TTLL7: variants seen among roughly 807,000 people sequenced by gnomAD.
TTLL7 encodes the protein tubulin tyrosine ligase like 7.
Under a neutral mutation model 120.2 loss-of-function variants are expected in TTLL7, and 53 were observed. The observed-to-expected ratio is 0.44, with a 90% CI of 0.35 to 0.55. The LOEUF (loss-of-function observed/expected upper bound fraction) is 0.55, where lower values mean the gene tolerates loss of function less well. Ranked by LOEUF, TTLL7 falls within the 20% of genes least tolerant of loss-of-function variation. The pLI, the probability that TTLL7 is intolerant of heterozygous loss-of-function variation, is 0.00. For missense variants in TTLL7, 803 were observed against 1,054.7 expected (o/e 0.76, Z 3.31); for synonymous variants, 353 against 351.7 (o/e 1.00, Z -0.04).
intron 1 of TTLL7, among the ~76,000 whole-genome samples, chr1:83,967,648 A>G (rs1286707946): frequency 6.6e-6 from 1 of 152,084 alleles, no homozygotes; most frequent in Non-Finnish European, 1.5e-5. Flanking sequence ...AAAAAAGAGA[A>G]AGTGGAACTA....
chr1:83,911,284 C>A lies in TTLL7; in HGVS notation c.1667G>T (p.Ser556Ile), dbSNP rs762869921. The A allele has an allele frequency of 6.2e-6, 10 of 1,613,440 alleles. No homozygotes were observed. In the African/African-American group the frequency reaches 1.2e-4, roughly 19 times the overall value. ...YCSSDSSYDS[S>I]SSSSESDENE... ...TTCGTCAGATTCTGAAGAGCTGCTGCTACTATCATAACTGCTGTCACTGCT... is the reference window on the plus strand; with the variant it reads ...TTCGTCAGATTCTGAAGAGCTGCTGATACTATCATAACTGCTGTCACTGCT... The change falls in exon 15 of 21, where the codon AGC becomes ATC. Residue 556 changes from serine to isoleucine, a missense_variant. Coordinates refer to ENST00000260505, the MANE Select transcript of TTLL7 (RefSeq NM_024686.6).
At chr1:83,929,873 A>G (rs1557666831) in intron 9 of TTLL7, among the ~76,000 whole-genome samples, 1 of 152,176 alleles carries the variant, frequency 6.6e-6, no homozygotes, top group African/African-American at 2.4e-5. Flanking sequence ...AGTTCAACAC[A>G]ACAGCTTAGC....
chr1:83,908,924 G>C (rs1355687289), intron 15 of TTLL7, among the ~76,000 whole-genome samples: 1 of 151,558 alleles, frequency 6.6e-6, no homozygotes, highest in East Asian at 1.9e-4. Context: ...AGCTATAAAA[G>C]ATTAAAAAAA....
chr1:83,890,566 C>A (rs1571071753), intron 18 of TTLL7, 85 bp from the exon 19 acceptor site: 6 of 1,136,120 alleles, frequency 5.3e-6, no homozygotes, highest in Non-Finnish European at 7.5e-6. Context: ...TCAGGAGTTC[C>A]AGACCAGCCT....
intron 16 of TTLL7, 52 bp from the exon 17 acceptor site, chr1:83,906,515 C>A (rs750375194): frequency 2.5e-6 from 4 of 1,607,334 alleles, no homozygotes; most frequent in South Asian, 1.1e-5. Context: ...TTCATTGTGC[C>A]AGTATAATCT....
At chr1:83,980,269 C>G (rs1473314593) in intron 1 of TTLL7, 1 of 152,092 alleles carries the variant, frequency 6.6e-6, no homozygotes, top group African/African-American at 2.4e-5. Context: ...CATAAGACTG[C>G]TGGCTGAGAC....
chr1:83,953,019 A>T (rs183100874), intron 1 of TTLL7, among the ~76,000 whole-genome samples: 22 of 152,310 alleles, frequency 1.4e-4, no homozygotes, highest in Non-Finnish European at 2.6e-4. Context: ...ATGGGGGACA[A>T]CTTAATAAAG....
At position 83,868,181 on chromosome 1, in the gene TTLL7, A is replaced by G. The variant is rs1174665891; in HGVS notation, c.*1781T>C. 1 of 152,210 alleles carries G rather than the reference A, an allele frequency of 6.6e-6. No individual in the cohort carries two copies. 9.4% of individuals were successfully genotyped at this position (152,210 alleles called of 1,614,324 possible). A position where few individuals can be genotyped will look rare whatever the true frequency, so the allele number is the denominator to read the frequency against. On this transcript the variant is annotated 3_prime_UTR_variant, in exon 21 of 21. Coordinates refer to ENST00000260505, the MANE Select transcript of TTLL7 (RefSeq NM_024686.6). ...TCAGGCTGTGAATTAAACCAGGCCAATTTGCCCCTCTCAGTTCTCCTGCTT... is the reference window on the plus strand; with the variant it reads ...TCAGGCTGTGAATTAAACCAGGCCAGTTTGCCCCTCTCAGTTCTCCTGCTT...
At chr1:83,904,027 T>C (rs1656970612) in intron 18 of TTLL7, 52 bp downstream of exon 18, 1 of 1,417,062 alleles carries the variant, frequency 7.1e-7, no homozygotes, top group South Asian at 1.2e-5. Flanking sequence ...TTAATGATCC[T>C]AGCTTAATAC....
chr1:83,993,873 C>A (rs961517531), intron 1 of TTLL7, among the ~76,000 whole-genome samples: 1 of 152,100 alleles, frequency 6.6e-6, no homozygotes, highest in Admixed American at 6.5e-5. Context: ...AGATAAATGT[C>A]AAATAGGAAA....
chr1:83,897,100 T>A (rs753848011), intron 18 of TTLL7, among the ~76,000 whole-genome samples: 26 of 151,856 alleles, frequency 1.7e-4, no homozygotes, highest in Non-Finnish European at 3.4e-4. Flanking sequence ...GGCAAATAAT[T>A]TTTTTTTAAT....
intron 20 of TTLL7, among the ~76,000 whole-genome samples, chr1:83,882,266 A>G (rs1316586334): frequency 6.7e-6 from 1 of 149,644 alleles, no homozygotes; most frequent in African/African-American, 2.4e-5. Flanking sequence ...AATAATAATA[A>G]TAATTAAATA....
intron 1 of TTLL7, among the ~76,000 whole-genome samples, chr1:83,993,012 T>C (rs1653149643): frequency 6.6e-6 from 1 of 152,130 alleles, no homozygotes; most frequent in Non-Finnish European, 1.5e-5. Flanking sequence ...TTTTCAATAA[T>C]AGTAATGACA....
intron 1 of TTLL7, among the ~76,000 whole-genome samples, chr1:83,987,336 C>T (rs1652566946): frequency 1.3e-5 from 2 of 151,608 alleles, no homozygotes; most frequent in African/African-American, 2.4e-5. Flanking sequence ...GGGGACATGC[C>T]ATGTCCATGG....
intron 17 of TTLL7, among the ~76,000 whole-genome samples, chr1:83,905,025 TTTGA>T (rs1442887154): frequency 2.6e-4 from 40 of 152,102 alleles, no homozygotes; most frequent in Non-Finnish European, 5.3e-4. Flanking sequence ...AGTTTTACTC[TTTGA>T]TTGTTTAATT....
rs1355677792 is a variant in TTLL7 at position 83,866,579 on chromosome 1, T to C, written c.*3383A>G. On this transcript the variant is annotated 3_prime_UTR_variant, in exon 21 of 21. Coordinates refer to ENST00000260505, the MANE Select transcript of TTLL7 (RefSeq NM_024686.6). ...AGAAATAGTTGAAACTGTTTGTATA[T>C]TTAGAAATAATTTTGACCTATGATA... The C allele has an allele frequency of 6.6e-6, 1 of 151,888 alleles. No homozygotes were observed. Among genetic ancestry groups the C allele is most frequent in the African/African-American group, 2.4e-5 (1 of 41,422 alleles). The allele number at this position is 151,888 out of a possible 1,614,324, so 9.4% of individuals were successfully genotyped here. A position where few individuals can be genotyped will look rare whatever the true frequency, so the allele number is the denominator to read the frequency against.
intron 19 of TTLL7, among the ~76,000 whole-genome samples, chr1:83,889,450 T>C (rs1259627640): frequency 6.6e-6 from 1 of 152,026 alleles, no homozygotes; most frequent in Non-Finnish European, 1.5e-5. Flanking sequence ...AGTTTATAGG[T>C]TAAGAGCATA....
rs755037689 is a variant in TTLL7, at chr1:83,921,102, T to C, written c.1349A>G (p.His450Arg). 3 of 1,612,776 alleles carry C rather than the reference T, an allele frequency of 1.9e-6. No homozygotes were observed. Among genetic ancestry groups the C allele is most frequent in the East Asian group, 2.2e-5 (1 of 44,856 alleles). Residue 450 changes from histidine to arginine, a missense_variant, in exon 12 of 21, where the codon CAT becomes CGT. His to Arg is a conservative substitution (Grantham distance 29, BLOSUM62 0). Around this residue, in one of 3 missense-constraint regions of TTLL7, gnomAD observed 324 missense variants for 507.7 expected, o/e 0.64. Transcript: ENST00000260505. The part of the protein sequence containing the change: ...QISREEHENR[H>R]MGNYRRIYPP... ...GCACAGTTACCTATAATTCCCCATA[T>C]GTCGATTTTCATGTTCTTCTCGTGA...
intron 1 of TTLL7, among the ~76,000 whole-genome samples, chr1:83,985,984 C>T (rs1652402534): frequency 6.6e-6 from 1 of 152,090 alleles, no homozygotes; most frequent in Admixed American, 6.5e-5. Context: ...TTGCCAAACA[C>T]TCAATGAAGA....
Sources: allele counts gnomAD v4.1 joint callset (sites outside exome capture counted in the v4.1 genomes callset), GRCh38; gene constraint gnomAD v4.1.1; regional missense constraint gnomAD v4.1.1; transcripts MANE v1.5; gene names NCBI Gene and HGNC (gene_info 2026-07-23, HGNC 2026-07-21).